The following CNTNAP3B variants were observed in gnomAD, a reference collection of about 807,000 sequenced individuals.
The protein encoded by CNTNAP3B is contactin-associated protein-like 3B.
Under a neutral mutation model 108.9 loss-of-function variants are expected in CNTNAP3B, and 25 were observed. The ratio of observed to expected loss-of-function variants is 0.23; its 90% CI spans 0.17 to 0.32. CNTNAP3B has a LOEUF of 0.32. Among genes scored for constraint, CNTNAP3B ranks in the 10% least tolerant of loss-of-function variants. The pLI is 1.00. For missense variants in CNTNAP3B, 252 were observed against 1,210.4 expected, an observed-to-expected ratio of 0.21 and a Z score of 11.75; for synonymous variants, 103 against 473.4, an observed-to-expected ratio of 0.22 and a Z score of 10.16.
intron 1 of CNTNAP3B, among the ~76,000 whole-genome samples, chr9:42,113,071 A>C (rs1444640875): frequency 7.4e-6 from 1 of 135,638 alleles, no homozygotes; most frequent in East Asian, 2.2e-4. Context: ...ACATAAATTT[A>C]AGCATCTTAG....
At chr9:42,110,081 G>A (rs1828163666) in intron 1 of CNTNAP3B, among the ~76,000 whole-genome samples, 1 of 135,950 alleles carries the variant, frequency 7.4e-6, no homozygotes, top group Admixed American at 7.4e-5. Context: ...TCCAGACTAT[G>A]ACAGAATAAA....
At chr9:42,118,324 C>T (rs1828370779) in intron 1 of CNTNAP3B, among the ~76,000 whole-genome samples, 1 of 139,566 alleles carries the variant, frequency 7.2e-6, no homozygotes, top group East Asian at 2.2e-4. Context: ...AAAGCTTATC[C>T]ACCATGATCA....
chr9:41,977,286 A>G (rs1302285439), intron 9 of CNTNAP3B, among the ~76,000 whole-genome samples: 8 of 151,670 alleles, frequency 5.3e-5, no homozygotes, highest in Non-Finnish European at 8.8e-5. Flanking sequence ...AATCAACTTT[A>G]TTTAGTATCA....
intron 3 of CNTNAP3B, among the ~76,000 whole-genome samples, chr9:42,057,505 T>A (rs565784278): frequency 7.9e-6 from 1 of 126,552 alleles, no homozygotes; most frequent in East Asian, 2.6e-4. Flanking sequence ...GCATCCAGCC[T>A]CTAGGTATTT....
intron 3 of CNTNAP3B, among the ~76,000 whole-genome samples, chr9:42,028,932 T>G (rs879417289): frequency 2.0e-3 from 309 of 151,772 alleles, no homozygotes; most frequent in Non-Finnish European, 3.3e-3. Flanking sequence ...TTAAAATTTT[T>G]TTGGCATTTA....
intron 14 of CNTNAP3B, among the ~76,000 whole-genome samples, chr9:41,930,304 A>T (rs1387388458): frequency 1.3e-5 from 2 of 152,284 alleles, no homozygotes; most frequent in Non-Finnish European, 2.9e-5. Flanking sequence ...ACACTTTAGA[A>T]GACTGGGGTG....
intron 3 of CNTNAP3B, among the ~76,000 whole-genome samples, chr9:42,028,214 CTG>C (rs1826444612): frequency 5.0e-5 from 1 of 20,012 alleles, no homozygotes; most frequent in Admixed American, 6.1e-4. Flanking sequence ...AGGGAGATGA[CTG>C]TAAATGTTTT....
chr9:41,951,013 C>G (rs1171084774), intron 13 of CNTNAP3B, among the ~76,000 whole-genome samples: 2 of 105,334 alleles, frequency 1.9e-5, no homozygotes, highest in South Asian at 6.1e-4. Context: ...CTCGGCCTCC[C>G]GAAGTGTTGG....
At chr9:41,935,155 G>A (rs1367659635) in intron 14 of CNTNAP3B, among the ~76,000 whole-genome samples, 1 of 152,304 alleles carries the variant, frequency 6.6e-6, no homozygotes, top group African/African-American at 2.4e-5. Context: ...TTAAATATAT[G>A]TTTTTATAAT....
At chr9:41,953,423 C>A (rs756421357) in intron 12 of CNTNAP3B, 37 bp from the exon 13 acceptor site, 5 of 1,514,246 alleles carry the variant, frequency 3.3e-6, no homozygotes, top group Non-Finnish European at 1.8e-6. Flanking sequence ...CATCACTGGG[C>A]GGCAGACGCC....
At chr9:41,963,661 G>A (rs1825174393) in intron 11 of CNTNAP3B, among the ~76,000 whole-genome samples, 1 of 151,658 alleles carries the variant, frequency 6.6e-6, no homozygotes, top group Non-Finnish European at 1.5e-5. Flanking sequence ...GGTAAGGCCT[G>A]AGAGTCTTTA....
chr9:41,929,400 A>T lies in CNTNAP3B; in HGVS notation c.2282T>A (p.Val761Asp). The T allele has an allele frequency of 6.5e-7, 1 of 1,541,840 alleles. No individual in the cohort carries two copies. The change falls in exon 15 of 24, where the codon GTC becomes GAC. Residue 761 changes from valine (V) to aspartate (D), a missense_variant. Val to Asp is a radical substitution (Grantham distance 152). Coordinates refer to ENST00000377561, the MANE Select transcript of CNTNAP3B (RefSeq NM_001201380.3). Reference sequence around the variant, plus strand: ...TGTGTCTGTCATCACAATCTGAGTGACTGGGAGGTGCTCCTTTTGGGAAAG... The same window carrying T: ...TGTGTCTGTCATCACAATCTGAGTGTCTGGGAGGTGCTCCTTTTGGGAAAG... ...IVLSQKEHLP[V>D]TQIVMTDTGQ...
intron 2 of CNTNAP3B, among the ~76,000 whole-genome samples, chr9:42,079,482 TTTC>T (rs1210537929): frequency 8.3e-6 from 1 of 120,968 alleles, no homozygotes; most frequent in Non-Finnish European, 1.7e-5. Context: ...CTTTTCTGTT[TTTC>T]TTATTACTAT....
At chr9:41,952,056 G>A (rs1193783033) in intron 13 of CNTNAP3B, among the ~76,000 whole-genome samples, 1 of 152,262 alleles carries the variant, frequency 6.6e-6, no homozygotes, top group Non-Finnish European at 1.5e-5. Flanking sequence ...TCCAGCCTGG[G>A]TGACAGAGAG....
chr9:41,932,076 A>G (rs1311758350), intron 14 of CNTNAP3B, among the ~76,000 whole-genome samples: 3 of 151,680 alleles, frequency 2.0e-5, no homozygotes, highest in Non-Finnish European at 4.4e-5. Context: ...TTATTGTTAC[A>G]GGCAGATTCC....
intron 15 of CNTNAP3B, among the ~76,000 whole-genome samples, chr9:41,925,710 G>C (rs1444633784): frequency 1.2e-4 from 19 of 152,400 alleles, no homozygotes; most frequent in African/African-American, 4.3e-4. Context: ...TCTATTCAAT[G>C]GTTTATACTC....
At chr9:41,920,703 T>A (rs1279143442) in intron 17 of CNTNAP3B, among the ~76,000 whole-genome samples, 1 of 152,310 alleles carries the variant, frequency 6.6e-6, no homozygotes, top group East Asian at 1.9e-4. Flanking sequence ...TCTTTATGAA[T>A]AAGAATGTGC....
rs1342618229 is a variant in CNTNAP3B at position 41,931,188 on chromosome 9, A to T, written c.2238-1744T>A. Reference sequence around the variant, plus strand: ...AGAATAAGGCTTTCTGAATTAAAAAAAATTAAATTGGCATGTCAGAGTTGT... The same window carrying T: ...AGAATAAGGCTTTCTGAATTAAAAATAATTAAATTGGCATGTCAGAGTTGT... On this transcript the variant is annotated intron_variant, in intron 14 of 23. Transcript: ENST00000377561. 1.2e-4 allele frequency among the ~76,000 whole-genome samples: 19 copies of T among 152,412 alleles called. No homozygotes were observed. The South Asian group carries it at 3.3e-3, about 27-fold the overall frequency.
At chr9:42,066,248 G>A (rs1655864410) in intron 3 of CNTNAP3B, among the ~76,000 whole-genome samples, 1 of 133,496 alleles carries the variant, frequency 7.5e-6, no homozygotes, top group Non-Finnish European at 1.6e-5. Context: ...TTCCCATGTA[G>A]CTTGTACATT....
Sources: allele counts gnomAD v4.1 joint callset (sites outside exome capture counted in the v4.1 genomes callset), GRCh38; gene constraint gnomAD v4.1.1; transcripts MANE v1.5; gene names NCBI Gene and HGNC (gene_info 2026-07-23, HGNC 2026-07-21).